LPP: variants seen among roughly 807,000 people sequenced by gnomAD.
The protein encoded by LPP is lipoma-preferred partner.
In LPP, 38 loss-of-function variants were observed where a neutral mutation model predicts 60.4. The ratio of observed to expected loss-of-function variants is 0.63; its 90% CI spans 0.49 to 0.83. The LOEUF (loss-of-function observed/expected upper bound fraction) is 0.83, where lower values mean the gene tolerates loss of function less well. Among genes scored for constraint, LPP ranks in the 40% least tolerant of loss-of-function variants. The pLI, the probability that LPP is intolerant of heterozygous loss-of-function variation, is 0.00. For missense variants in LPP, 902 were observed against 783.6 expected, an observed-to-expected ratio of 1.15 and a Z score of -1.80; for synonymous variants, 328 against 290.8, an observed-to-expected ratio of 1.13 and a Z score of -1.30.
chr3:188,174,428 G>A (rs943023056), intron 1 of LPP, among the ~76,000 whole-genome samples: 4 of 152,180 alleles, frequency 2.6e-5, no homozygotes, highest in East Asian at 1.9e-4. Flanking sequence ...CAAGTGCAGC[G>A]AAGCGTGCGC....
At chr3:188,163,285 C>G (rs188387061) in intron 1 of LPP, among the ~76,000 whole-genome samples, 3 of 152,238 alleles carry the variant, frequency 2.0e-5, no homozygotes, top group Admixed American at 1.3e-4. Context: ...GTGTGGGAAC[C>G]TTTCATGGGC....
intron 4 of LPP, among the ~76,000 whole-genome samples, chr3:188,459,288 G>A (rs1798453416): frequency 6.6e-6 from 1 of 152,056 alleles, no homozygotes. Context: ...ATGGCACCTA[G>A]GGTAACAACT....
chr3:188,631,756 G>A (rs1847882732), intron 7 of LPP, among the ~76,000 whole-genome samples: 1 of 152,100 alleles, frequency 6.6e-6, no homozygotes, highest in African/African-American at 2.4e-5. Flanking sequence ...AATGGGCCCA[G>A]GCACATTGAA....
intron 9 of LPP, among the ~76,000 whole-genome samples, chr3:188,855,218 A>G (rs1007561705): frequency 2.6e-5 from 4 of 152,238 alleles, no homozygotes; most frequent in Non-Finnish European, 5.9e-5. Context: ...GAGGTAGAAT[A>G]AAGAACAGAA....
chr3:188,875,996 A>G lies in LPP; in HGVS notation c.*1517A>G, dbSNP rs1159107366. The G allele has an allele frequency of 5.4e-6, 1 of 183,588 alleles. No individual in the cohort carries two copies. The highest frequency in any genetic ancestry group is 2.0e-4 in the South Asian group (1 of 5,088). The allele number at this position is 183,588 out of a possible 1,614,324, so 11.4% of individuals were successfully genotyped here. A position where few individuals can be genotyped will look rare whatever the true frequency, so the allele number is the denominator to read the frequency against. ...AGTCTACAAAAAGGTATAAATAATA[A>G]TATAATGAATTCCTATATACCTAAT... On this transcript the variant is annotated 3_prime_UTR_variant, in exon 12 of 12. Transcript: ENST00000617246.
intron 1 of LPP, among the ~76,000 whole-genome samples, chr3:188,212,060 T>A (rs868239054): frequency 1.3e-5 from 2 of 152,144 alleles, no homozygotes; most frequent in Non-Finnish European, 2.9e-5. Flanking sequence ...GTTTTCACCA[T>A]GTTGGCCAGG....
intron 9 of LPP, among the ~76,000 whole-genome samples, chr3:188,783,684 C>T (rs1414375404): frequency 6.6e-6 from 1 of 151,032 alleles, no homozygotes; most frequent in Non-Finnish European, 1.5e-5. Flanking sequence ...TAAACCTTCA[C>T]ATATACCCCT....
rs547335316 is a variant in LPP, at chr3:188,517,692, T to TA, written c.307-6973_307-6972insA. On this transcript the variant is annotated intron_variant, in intron 5 of 11. Transcript: ENST00000617246. ...CGGTGGTAAGAGAAAATGAGGGTGA[T>TA]GCAAAGCAGAAACCCCTGATAAAAC... is the stretch of plus-strand genomic sequence containing the variant. Among the ~76,000 whole-genome samples, 117 of 152,240 alleles carry TA rather than the reference T, an allele frequency of 7.7e-4. 4 individuals carry two copies. The South Asian group carries it at 0.023, about 30-fold the overall frequency.
At chr3:188,469,924 T>G (rs1050826264) in intron 4 of LPP, among the ~76,000 whole-genome samples, 1 of 152,124 alleles carries the variant, frequency 6.6e-6, no homozygotes, top group African/African-American at 2.4e-5. Flanking sequence ...ATTTCTAAAT[T>G]CAGTAAAAGG....
At chr3:188,670,672 C>T (rs1856789030) in intron 7 of LPP, among the ~76,000 whole-genome samples, 1 of 152,100 alleles carries the variant, frequency 6.6e-6, no homozygotes, top group Non-Finnish European at 1.5e-5. Flanking sequence ...ATAATTTTGC[C>T]GTTGGATTAA....
chr3:188,890,472 G>T lies in LPP; in HGVS notation c.*15993G>T. 1 of 193,618 alleles carries T rather than the reference G, an allele frequency of 5.2e-6. No homozygotes were observed. The highest frequency in any genetic ancestry group is 1.1e-5 in the Non-Finnish European group (1 of 92,976). 12.0% of individuals were successfully genotyped at this position (193,618 alleles called of 1,614,324 possible). ...AAATCTGTTATAAGCAAGTGATTTAGGTATTTTCTTTTGTGTTTATGCATT... is the reference window on the plus strand; with the variant it reads ...AAATCTGTTATAAGCAAGTGATTTATGTATTTTCTTTTGTGTTTATGCATT... On this transcript the variant is annotated 3_prime_UTR_variant, in exon 12 of 12. Transcript: ENST00000617246.
At chr3:188,370,045 A>T (rs1363967963) in intron 3 of LPP, among the ~76,000 whole-genome samples, 1 of 152,118 alleles carries the variant, frequency 6.6e-6, no homozygotes, top group Non-Finnish European at 1.5e-5. Context: ...TCTCTGCCTC[A>T]GCCTCCCGAG....
At chr3:188,196,135 C>G (rs1729474465) in intron 1 of LPP, among the ~76,000 whole-genome samples, 1 of 152,116 alleles carries the variant, frequency 6.6e-6, no homozygotes, top group African/African-American at 2.4e-5. Context: ...ATTCCTTTAC[C>G]TCCCTAGCCT....
intron 6 of LPP, among the ~76,000 whole-genome samples, chr3:188,582,288 G>A (rs1466517566): frequency 2.0e-5 from 3 of 150,754 alleles, no homozygotes; most frequent in African/African-American, 4.9e-5. Context: ...AGCCTCCCGA[G>A]TAGCTGTGTC....
At chr3:188,436,149 G>A (rs1010237435) in intron 4 of LPP, among the ~76,000 whole-genome samples, 4 of 152,172 alleles carry the variant, frequency 2.6e-5, no homozygotes, top group Non-Finnish European at 5.9e-5. Flanking sequence ...CTTCCATTGT[G>A]TAGATTACTA....
chr3:188,378,993 G>A (rs546041191), intron 3 of LPP, among the ~76,000 whole-genome samples: 1 of 152,284 alleles, frequency 6.6e-6, no homozygotes, highest in East Asian at 1.9e-4. Flanking sequence ...ACTGCTTACA[G>A]CTGCTCAAGT....
intron 4 of LPP, among the ~76,000 whole-genome samples, chr3:188,432,286 C>A (rs116008816): frequency 6.6e-6 from 1 of 152,092 alleles, no homozygotes; most frequent in Non-Finnish European, 1.5e-5. Flanking sequence ...AAAGTCTATA[C>A]AAAAATATTT....
At chr3:188,809,416 G>T (rs929964545) in intron 9 of LPP, among the ~76,000 whole-genome samples, 2 of 151,992 alleles carry the variant, frequency 1.3e-5, no homozygotes, top group African/African-American at 4.8e-5. Flanking sequence ...ATTTTGATTT[G>T]CATTTATCTA....
chr3:188,438,247 T>C (rs1792843494), intron 4 of LPP, among the ~76,000 whole-genome samples: 1 of 151,990 alleles, frequency 6.6e-6, no homozygotes. Flanking sequence ...CTGATTATAT[T>C]CCTGTGACTA....
Sources: gnomAD v4.1 joint callset for allele counts (sites outside exome capture counted in the v4.1 genomes callset) on GRCh38, gnomAD v4.1.1 for gene constraint, MANE v1.5 for transcripts, NCBI Gene and HGNC (gene_info 2026-07-23, HGNC 2026-07-21) for gene names.